ALDH1L2: variants seen among roughly 807,000 people sequenced by gnomAD.
ALDH1L2 encodes the protein aldehyde dehydrogenase 1 family member L2.
Under a neutral mutation model 111.0 loss-of-function variants are expected in ALDH1L2, and 91 were observed. The observed-to-expected ratio is 0.82, with a 90% confidence interval of 0.69 to 0.98. ALDH1L2 has a LOEUF of 0.98. Among genes scored for constraint, ALDH1L2 ranks in the 50% least tolerant of loss-of-function variants. ALDH1L2 has a pLI of 0.00. For synonymous variants in ALDH1L2, 374 were observed against 392.6 expected (o/e 0.95, Z 0.56); for missense variants, 995 against 1,126.8 (o/e 0.88, Z 1.67).
intron 8 of ALDH1L2, 44 bp downstream of exon 8, chr12:105,061,583 A>G (rs777550717): frequency 6.2e-7 from 1 of 1,607,896 alleles, no homozygotes; most frequent in Non-Finnish European, 8.5e-7. Flanking sequence ...AACATGCTTC[A>G]GTTTTCCAAG....
chr12:105,075,238 T>C (rs1410734943), intron 1 of ALDH1L2, among the ~76,000 whole-genome samples: 1 of 152,186 alleles, frequency 6.6e-6, no homozygotes, highest in Admixed American at 6.5e-5. Flanking sequence ...TGTCGTCTGG[T>C]TATTTGGAGT....
intron 21 of ALDH1L2, among the ~76,000 whole-genome samples, chr12:105,029,199 TA>T (rs145726026): frequency 0.073 from 11,157 of 152,014 alleles, 458 homozygotes; most frequent in Middle Eastern, 0.092. Context: ...AGCTAATTTT[TA>T]AAAAAAATTT....
chr12:105,074,737 C>G (rs550841078), intron 1 of ALDH1L2, among the ~76,000 whole-genome samples: 2 of 152,102 alleles, frequency 1.3e-5, no homozygotes, highest in Non-Finnish European at 2.9e-5. Flanking sequence ...TTTAATTTTC[C>G]CTTATTTCCC....
chr12:105,080,882 C>T (rs1206897163), intron 1 of ALDH1L2, among the ~76,000 whole-genome samples: 1 of 152,218 alleles, frequency 6.6e-6, no homozygotes. Context: ...AAGGAGTACA[C>T]AGTCGCCCTC....
chr12:105,058,884 T>C (rs1876800089), intron 9 of ALDH1L2, among the ~76,000 whole-genome samples: 1 of 152,048 alleles, frequency 6.6e-6, no homozygotes, highest in Non-Finnish European at 1.5e-5. Flanking sequence ...ATCAAGATAA[T>C]AATATCAGAT....
intron 15 of ALDH1L2, among the ~76,000 whole-genome samples, chr12:105,042,255 T>C (rs1875582496): frequency 6.6e-6 from 1 of 152,228 alleles, no homozygotes; most frequent in Non-Finnish European, 1.5e-5. Flanking sequence ...CATTCTCTTC[T>C]CCAAGAAAGA....
At chr12:105,027,973 A>G (rs1874499144) in intron 21 of ALDH1L2, among the ~76,000 whole-genome samples, 1 of 152,342 alleles carries the variant, frequency 6.6e-6, no homozygotes, top group South Asian at 2.1e-4. Context: ...AGGTGAAGAC[A>G]TGAACCTACT....
Position 105,024,465 on chromosome 12 carries a change from T to G in ALDH1L2, c.2731A>C (p.Asn911His). ...ACCGTCTTGGTTTTGAGATATTCATTTAGAGCTTCCTCACCTAGGGAAGAG... is the reference window on the plus strand; with the variant it reads ...ACCGTCTTGGTTTTGAGATATTCATGTAGAGCTTCCTCACCTAGGGAAGAG... ...FGKDLGEEAL[N>H]EYLKTKTVTL... is the part of the protein sequence containing the mutation. Residue 911 changes from asparagine (N) to histidine (H), a missense_variant, in exon 23 of 23, where the codon AAT becomes CAT. Asn to His is a moderately conservative substitution (Grantham distance 68, BLOSUM62 1). Coordinates refer to ENST00000258494, the MANE Select transcript of ALDH1L2 (RefSeq NM_001034173.4). The G allele has an allele frequency of 6.2e-7, 1 of 1,614,048 alleles. No individual in the cohort carries two copies. The highest frequency in any genetic ancestry group is 8.5e-7 in the Non-Finnish European group (1 of 1,179,954).
rs1345123802 is a variant in ALDH1L2, at chr12:105,036,210, TTA to T, written c.2146-1814_2146-1813del. On this transcript the variant is annotated intron_variant, in intron 18 of 22. Transcript: ENST00000258494. ...GTGTATATAATATATACACGTATAT[TTA>T]TATATGTGTATATAATATATACACG... Among the ~76,000 whole-genome samples the T allele has an allele frequency of 5.2e-4, 28 of 53,504 alleles. 8 individuals are homozygous for T. Among genetic ancestry groups the T allele is most frequent in the African/African-American group, 1.0e-3 (9 of 8,936 alleles). The allele number at this position is 53,504 out of a possible 152,430, so 35.1% of individuals were successfully genotyped here.
chr12:105,031,993 C>T, intron 19 of ALDH1L2, 59 bp from the exon 20 acceptor site: 10 of 1,569,076 alleles, frequency 6.4e-6, no homozygotes, highest in Non-Finnish European at 6.9e-6. Flanking sequence ...GGAGTTTCTA[C>T]CAAGTGGTAG....
At chr12:105,039,219 G>C (rs770242148) in intron 17 of ALDH1L2, among the ~76,000 whole-genome samples, 1 of 151,424 alleles carries the variant, frequency 6.6e-6, no homozygotes, top group Non-Finnish European at 1.5e-5. Context: ...ACTTTTCAAT[G>C]TTATTAAAAT....
At chr12:105,049,556 A>AG (rs996524521) in intron 13 of ALDH1L2, 1 of 157,636 alleles carries the variant, frequency 6.3e-6, no homozygotes, top group African/African-American at 2.4e-5. Flanking sequence ...CGCTATAAAA[A>AG]GGGCTTGCAG....
At position 105,058,238 on chromosome 12, in the gene ALDH1L2, C is replaced by T. The variant is rs572407801; in HGVS notation, c.1140-18G>A. 64 of 1,582,076 alleles carry T rather than the reference C, an allele frequency of 4.0e-5. No homozygotes were observed. Among genetic ancestry groups the T allele is most frequent in the South Asian group, 3.8e-4 (32 of 85,300 alleles). On this transcript the variant is annotated intron_variant, in intron 9 of 22. Transcript: ENST00000258494. ...CAACCAGCCTTAAAGTAAAAACCAG[C>T]TTCGCGTTACTTAGATTTTTAAAAG...
Position 105,031,752 on chromosome 12 carries a change from C to G in ALDH1L2, c.2410+17G>C. 1 of 1,613,160 alleles carries G rather than the reference C, an allele frequency of 6.2e-7. No homozygotes were observed. ...AGAAGGCGGGCACCCGGTAAACCCC[C>G]ACAGAGGTGATCTTACCTGGCCTTT... On this transcript the variant is annotated intron_variant, in intron 20 of 22. Transcript: ENST00000258494.
At chr12:105,026,909 C>G (rs1874441833) in intron 21 of ALDH1L2, among the ~76,000 whole-genome samples, 165 bp from the exon 22 acceptor site, 1 of 152,220 alleles carries the variant, frequency 6.6e-6, no homozygotes, top group Non-Finnish European at 1.5e-5. Flanking sequence ...TGCTCTGTCA[C>G]CTAGGCTGCA....
At chr12:105,024,524 C>T (rs1565946657) in intron 22 of ALDH1L2, 45 bp from the exon 23 acceptor site, 2 of 1,578,844 alleles carry the variant, frequency 1.3e-6, no homozygotes, top group South Asian at 1.1e-5. Flanking sequence ...CAGAGGCAGA[C>T]ATGTGATGTC....
intron 20 of ALDH1L2, 114 bp from the exon 21 acceptor site, chr12:105,030,543 CAAG>C: frequency 1.3e-5 from 10 of 748,018 alleles, no homozygotes; most frequent in Non-Finnish European, 2.0e-5. Flanking sequence ...CCAGTAAAAC[CAAG>C]AAGAGTTGCA....
intron 1 of ALDH1L2, 63 bp downstream of exon 1, chr12:105,084,326 C>A: frequency 1.3e-6 from 2 of 1,488,186 alleles, no homozygotes; most frequent in South Asian, 1.3e-5. Context: ...CCGGCCCTCC[C>A]GCCCCGGAGT....
chr12:105,063,147 C>A, intron 6 of ALDH1L2, 125 bp from the exon 7 acceptor site: 2 of 1,109,094 alleles, frequency 1.8e-6, no homozygotes, highest in South Asian at 3.9e-5. Flanking sequence ...AATTGAGACA[C>A]CACAATGGGA....
Sources: gnomAD v4.1 joint callset for allele counts (sites outside exome capture counted in the v4.1 genomes callset) on GRCh38, gnomAD v4.1.1 for gene constraint, MANE v1.5 for transcripts, NCBI Gene and HGNC (gene_info 2026-07-23, HGNC 2026-07-21) for gene names.